H2BC4: variants seen among roughly 807,000 people sequenced by gnomAD.
H2BC4 encodes H2B clustered histone 4, also known as histone H2B type 1-C/E/F/G/I.
In H2BC4, 10 loss-of-function variants were observed where a neutral mutation model predicts 6.2. That is an observed-to-expected ratio of 1.61 (90% confidence interval 0.99 to 2.73). H2BC4 has a LOEUF of 2.73. Ranked by LOEUF, H2BC4 falls within the 30% of genes most tolerant of loss-of-function variation. The pLI is 0.00. For synonymous variants in H2BC4, 146 were observed against 70.7 expected, an observed-to-expected ratio of 2.07 and a Z score of -5.35; for missense variants, 176 against 168.7, an observed-to-expected ratio of 1.04 and a Z score of -0.24.
downstream of H2BC4, among the ~76,000 whole-genome samples, chr6:26,122,728 C>T (rs1368726915): frequency 6.6e-6 from 1 of 152,174 alleles, no homozygotes; most frequent in Non-Finnish European, 1.5e-5. Flanking sequence ...AAGCCCCCTA[C>T]GGAGATTTTA....
intron 1 of H2BC4, among the ~76,000 whole-genome samples, chr6:26,118,437 T>C (rs1020879167): frequency 2.6e-5 from 4 of 152,220 alleles, no homozygotes; most frequent in Non-Finnish European, 4.4e-5. Context: ...AATATTCTTA[T>C]TTAGGAACTT....
chr6:26,119,288 G>C (rs143508657), downstream of H2BC4, among the ~76,000 whole-genome samples: 67 of 152,206 alleles, frequency 4.4e-4, 1 homozygote, highest in Admixed American at 4.2e-3. Flanking sequence ...GCAATCATAT[G>C]TTCTCTTATC....
chr6:26,123,764 T>C lies in H2BC4; in HGVS notation c.141A>G (p.Lys47=), dbSNP rs1402234939. 1.2e-6 allele frequency: 2 copies of C among 1,614,242 alleles called. No homozygotes were observed. Among genetic ancestry groups the C allele is most frequent in the Admixed American group, 1.7e-5 (1 of 60,028 alleles). The part of the protein sequence containing the change: ...SYSVYVYKVL[K]QVHPDTGISS... ...AGATGCCAGTGTCGGGATGGACCTG[T>C]TTCAGCACCTTGTACACGTACACAG... Residue 47 remains lysine, a synonymous_variant, in exon 1 of 1, where the codon AAA becomes AAG. Transcript: ENST00000396984.
At chr6:26,116,020 G>A (rs1186676828) in intron 1 of H2BC4, among the ~76,000 whole-genome samples, 3 of 152,078 alleles carry the variant, frequency 2.0e-5, no homozygotes, top group East Asian at 1.9e-4. Flanking sequence ...GGAGAATGGG[G>A]GGAGAGGAGG....
At chr6:26,115,862 A>G (rs1404082160) in intron 1 of H2BC4, among the ~76,000 whole-genome samples, 2 of 152,336 alleles carry the variant, frequency 1.3e-5, no homozygotes, top group East Asian at 1.9e-4. Flanking sequence ...TCCAAGGTTC[A>G]TTACCCCAAT....
chr6:26,117,425 A>C (rs144177625), intron 1 of H2BC4, among the ~76,000 whole-genome samples: 6 of 152,312 alleles, frequency 3.9e-5, no homozygotes, highest in Non-Finnish European at 5.9e-5. Flanking sequence ...AGAGAGATTA[A>C]ATGACCTGCC....
At chr6:26,118,743 A>T (rs1773289), downstream of H2BC4, among the ~76,000 whole-genome samples, 1,346 of 152,262 alleles carry the variant, frequency 8.8e-3, 21 homozygotes, top group African/African-American at 0.03. Context: ...TCAGAACTGT[A>T]TTTTTAGTGA....
chr6:26,114,996 T>G (rs1763401442), exon 2 of H2BC4: 1 of 152,200 alleles, frequency 6.6e-6, no homozygotes, highest in African/African-American at 2.4e-5. Context: ...GGTGTTCATT[T>G]GTCCTTCTTT....
At chr6:26,120,001 G>A (rs939797285), downstream of H2BC4, among the ~76,000 whole-genome samples, 4 of 151,884 alleles carry the variant, frequency 2.6e-5, no homozygotes, top group Non-Finnish European at 5.9e-5. Flanking sequence ...TAAAGAGGTA[G>A]CACATTTAAA....
At chr6:26,120,765 C>T (rs1763487056), downstream of H2BC4, among the ~76,000 whole-genome samples, 1 of 152,068 alleles carries the variant, frequency 6.6e-6, no homozygotes, top group Non-Finnish European at 1.5e-5. Flanking sequence ...TGAAAGCACT[C>T]TTTTTTTTCC....
downstream of H2BC4, among the ~76,000 whole-genome samples, chr6:26,122,456 C>A (rs1351678134): frequency 1.3e-5 from 2 of 152,140 alleles, no homozygotes; most frequent in Non-Finnish European, 2.9e-5. Flanking sequence ...AAAATCTTTA[C>A]CTGGAAAAGA....
chr6:26,123,789 G>A lies in H2BC4; in HGVS notation c.116C>T (p.Ser39Phe). ...TTTCAGCACCTTGTACACGTACACA[G>A]AGTAACTCTCCTTGCGGCTGCGCTT... ...KRKRSRKESY[S>F]VYVYKVLKQV... The change falls in exon 1 of 1, where the codon TCT becomes TTT. Residue 39 changes from serine (S) to phenylalanine (F), a missense_variant. Coordinates refer to ENST00000396984, the MANE Select transcript of H2BC4 (RefSeq NM_003526.3). 1.2e-6 allele frequency: 2 copies of A among 1,614,266 alleles called. No individual in the cohort carries two copies. The highest frequency in any genetic ancestry group is 1.1e-5 in the South Asian group (1 of 91,090).
chr6:26,117,876 T>G (rs1188867431), intron 1 of H2BC4, among the ~76,000 whole-genome samples: 2 of 152,244 alleles, frequency 1.3e-5, no homozygotes, highest in African/African-American at 4.8e-5. Flanking sequence ...TACTCTCTTC[T>G]TGTATAAACC....
At chr6:26,123,267 G>A (rs1185863024), downstream of H2BC4, 11 of 595,190 alleles carry the variant, frequency 1.8e-5, no homozygotes, top group Admixed American at 2.3e-4. Context: ...CAAAATGGCC[G>A]CTTGTCTCCA....
Position 26,123,788 on chromosome 6 carries a change from A to C in H2BC4, c.117T>G (p.Ser39=). Reference sequence around the variant, plus strand: ...GTTTCAGCACCTTGTACACGTACACAGAGTAACTCTCCTTGCGGCTGCGCT... The same window carrying C: ...GTTTCAGCACCTTGTACACGTACACCGAGTAACTCTCCTTGCGGCTGCGCT... The part of the protein sequence containing the change: ...KRKRSRKESY[S]VYVYKVLKQV... Residue 39 remains serine (S), a synonymous_variant, in exon 1 of 1, where the codon TCT becomes TCG. Transcript: ENST00000396984. 6.2e-7 allele frequency: 1 copy of C among 1,614,262 alleles called. No homozygotes were observed. Among genetic ancestry groups the C allele is most frequent in the Non-Finnish European group, 8.5e-7 (1 of 1,180,046 alleles).
At chr6:26,117,585 T>C (rs1158283616) in intron 1 of H2BC4, among the ~76,000 whole-genome samples, 1 of 152,190 alleles carries the variant, frequency 6.6e-6, no homozygotes, top group Non-Finnish European at 1.5e-5. Context: ...ATAGGTGCTA[T>C]TTCATTTAAT....
downstream of H2BC4, chr6:26,123,385 C>A (rs898472099): frequency 1.4e-6 from 2 of 1,406,568 alleles, no homozygotes; most frequent in African/African-American, 1.4e-5. Context: ...TTGTCCCCAC[C>A]CCTCTCCAGT....
At chr6:26,115,247 T>C (rs1763404364) in intron 1 of H2BC4, 1 of 152,226 alleles carries the variant, frequency 6.6e-6, no homozygotes, top group Non-Finnish European at 1.5e-5. Context: ...TCACTGGATG[T>C]TTGCTCTGTG....
At chr6:26,116,001 TAAAG>T (rs1388836120) in intron 1 of H2BC4, among the ~76,000 whole-genome samples, 1 of 151,562 alleles carries the variant, frequency 6.6e-6, no homozygotes, top group Non-Finnish European at 1.5e-5. Context: ...GACAAGAAAA[TAAAG>T]GAAGGGAGAA....
Sources: allele counts gnomAD v4.1 joint callset (sites outside exome capture counted in the v4.1 genomes callset), GRCh38; gene constraint gnomAD v4.1.1; transcripts MANE v1.5; gene names NCBI Gene and HGNC (gene_info 2026-07-23, HGNC 2026-07-21).